Variants in HEPH observed in about 807,000 individuals in gnomAD.
The protein encoded by HEPH is hephaestin.
Under a neutral mutation model 80.8 loss-of-function variants are expected in HEPH, and 69 were observed. The ratio of observed to expected loss-of-function variants is 0.85; its 90% CI spans 0.70 to 1.04. HEPH has a LOEUF of 1.04. HEPH is among the 50% of genes least tolerant of loss of function. The pLI is 0.00. For missense variants in HEPH, 1,115 were observed against 891.3 expected, an observed-to-expected ratio of 1.25 and a Z score of -3.20; for synonymous variants, 431 against 322.8, an observed-to-expected ratio of 1.34 and a Z score of -3.60.
chrX:66,253,064 A>C (rs1423802072), intron 15 of HEPH, among the ~76,000 whole-genome samples: 1 of 112,471 alleles, frequency 8.9e-6, no homozygotes. Context: ...CTTATATACA[A>C]CACTAAAAGC....
In HEPH at chrX:66,207,350, T is replaced by A; in HGVS notation, c.2431+16T>A. Reference sequence around the variant, plus strand: ...GGAATCTTGGGTAAGGGAATTCTACTTCCCTCCTAGTGTTTAGCAGCCTGA... The same window carrying A: ...GGAATCTTGGGTAAGGGAATTCTACATCCCTCCTAGTGTTTAGCAGCCTGA... On this transcript the variant is annotated intron_variant, in intron 14 of 20. Coordinates refer to ENST00000343002, the MANE Select transcript of HEPH (RefSeq NM_001367233.3). 1 of 1,153,019 alleles carries A rather than the reference T, an allele frequency of 8.7e-7. No homozygotes were observed. The highest frequency in any genetic ancestry group is 1.2e-6 in the Non-Finnish European group (1 of 860,733).
intron 15 of HEPH, among the ~76,000 whole-genome samples, chrX:66,246,239 G>T (rs773418718): frequency 8.9e-6 from 1 of 112,160 alleles, no homozygotes; most frequent in East Asian, 2.8e-4. Context: ...AGACTGTTGG[G>T]TTAGAAAATC....
chrX:66,187,834 C>A (rs1028812802), intron 4 of HEPH, among the ~76,000 whole-genome samples: 8 of 111,960 alleles, frequency 7.1e-5, no homozygotes, highest in African/African-American at 2.3e-4. Flanking sequence ...ATCCTACGAA[C>A]CTTTTTTAAA....
intron 5 of HEPH, 148 bp from the exon 6 acceptor site, chrX:66,189,536 G>A: frequency 1.8e-6 from 1 of 567,332 alleles, no homozygotes; most frequent in Non-Finnish European, 2.7e-6. Context: ...GGATGTTTTT[G>A]AGATTTAAAG....
Position 66,177,744 on chromosome X carries a change from C to T in HEPH, c.625+3943C>T, listed in dbSNP as rs181999209. Among the ~76,000 whole-genome samples, 7 of 109,561 alleles carry T rather than the reference C, an allele frequency of 6.4e-5. No homozygotes were observed. In the East Asian group the frequency reaches 2.0e-3, roughly 31 times the overall value. The stretch of plus-strand genomic sequence containing the variant: ...GTTTTTCTCTTGATATTGGTTATTT[C>T]CTTTCATCTCTAGGGTTTGGGTTTG... On this transcript the variant is annotated intron_variant, in intron 4 of 20. Coordinates refer to ENST00000343002, the MANE Select transcript of HEPH (RefSeq NM_001367233.3).
chrX:66,229,537 G>C (rs1163917009), intron 15 of HEPH, among the ~76,000 whole-genome samples: 5 of 111,384 alleles, frequency 4.5e-5, no homozygotes, highest in Non-Finnish European at 9.4e-5. Flanking sequence ...AAAAGTATCA[G>C]AAATCACCAC....
chrX:66,218,301 C>G, intron 15 of HEPH, among the ~76,000 whole-genome samples: 1 of 111,725 alleles, frequency 9.0e-6, no homozygotes, highest in Non-Finnish European at 1.9e-5. Flanking sequence ...ATAGACAAAA[C>G]AAGTCTCAAC....
rs771885925 is a variant in HEPH, at chrX:66,202,909, G to A, written c.2078-455G>A. ...TAGCAATTGCCACAAGGTTTTATGT[G>A]TGCATATATATATATATATATATAT... On this transcript the variant is annotated intron_variant, in intron 12 of 20. Transcript: ENST00000343002. Among the ~76,000 whole-genome samples, 661 of 88,329 alleles carry A rather than the reference G, an allele frequency of 7.5e-3. 11 individuals carry two copies. The highest frequency in any genetic ancestry group is 0.033 in the African/African-American group (614 of 18,794). The allele number at this position is 88,329 out of a possible 115,157, so 76.7% of individuals were successfully genotyped here. A position where few individuals can be genotyped will look rare whatever the true frequency, so the allele number is the denominator to read the frequency against.
intron 11 of HEPH, among the ~76,000 whole-genome samples, chrX:66,199,776 C>T (rs186261704): frequency 3.1e-4 from 35 of 111,765 alleles, no homozygotes; most frequent in South Asian, 1.9e-3. Context: ...AACGAAGATA[C>T]GACAGGTAAG....
intron 15 of HEPH, among the ~76,000 whole-genome samples, chrX:66,245,392 C>A (rs2090764561): frequency 8.9e-6 from 1 of 111,835 alleles, no homozygotes; most frequent in African/African-American, 3.2e-5. Context: ...AAGGCCATTA[C>A]ATAATGGTAA....
chrX:66,169,498 G>T (rs1451369808), intron 1 of HEPH, among the ~76,000 whole-genome samples: 1 of 111,531 alleles, frequency 9.0e-6, no homozygotes, highest in Non-Finnish European at 1.9e-5. Context: ...CCTGTCTTAT[G>T]CATTGAAGTG....
intron 15 of HEPH, among the ~76,000 whole-genome samples, chrX:66,253,922 C>T (rs954653477): frequency 1.8e-5 from 2 of 110,950 alleles, no homozygotes; most frequent in African/African-American, 6.6e-5. Context: ...ATATTGATTA[C>T]CTTGGGTGGG....
At chrX:66,228,462 A>T (rs184154681) in intron 15 of HEPH, among the ~76,000 whole-genome samples, 1 of 113,229 alleles carries the variant, frequency 8.8e-6, no homozygotes, top group Non-Finnish European at 1.9e-5. Context: ...CCTTCTAGAC[A>T]TTGGCTTGTG....
rs984889537 is a variant in HEPH at position 66,226,852 on chromosome X, C to T, written c.2563+18606C>T. ...GGGTACACAGCTGAATTCTATCAGACATGCAAAGAAGATTTGGTACCCATG... is the reference window on the plus strand; with the variant it reads ...GGGTACACAGCTGAATTCTATCAGATATGCAAAGAAGATTTGGTACCCATG... On this transcript the variant is annotated intron_variant, in intron 15 of 20. Transcript: ENST00000343002. Among the ~76,000 whole-genome samples, 4 of 111,440 alleles carry T rather than the reference C, an allele frequency of 3.6e-5. No individual in the cohort carries two copies. In the East Asian group the frequency reaches 1.1e-3, roughly 31 times the overall value.
intron 6 of HEPH, among the ~76,000 whole-genome samples, chrX:66,190,330 C>T (rs964453129): frequency 9.0e-5 from 10 of 111,114 alleles, no homozygotes; most frequent in Non-Finnish European, 1.9e-4. Flanking sequence ...TGTAGGAGAT[C>T]ATGGTGTATT....
At chrX:66,223,731 A>T (rs1202117794) in intron 15 of HEPH, among the ~76,000 whole-genome samples, 4 of 111,134 alleles carry the variant, frequency 3.6e-5, no homozygotes, top group Non-Finnish European at 7.6e-5. Context: ...CTTCAAAACA[A>T]TTTTTTTTAA....
At chrX:66,206,867 A>C (rs1463106473) in intron 13 of HEPH, among the ~76,000 whole-genome samples, 2 of 109,443 alleles carry the variant, frequency 1.8e-5, no homozygotes, top group Non-Finnish European at 3.8e-5. Flanking sequence ...AAATACAAAA[A>C]GTAGCCGGGC....
chrX:66,203,311 G>A, intron 12 of HEPH, 53 bp from the exon 13 acceptor site: 1 of 1,077,298 alleles, frequency 9.3e-7, no homozygotes, highest in Middle Eastern at 3.6e-4. Flanking sequence ...AAATCCCCCA[G>A]GCACTACCCA....
At chrX:66,191,541 T>C (rs1220578134) in intron 6 of HEPH, among the ~76,000 whole-genome samples, 2 of 112,222 alleles carry the variant, frequency 1.8e-5, no homozygotes, top group Admixed American at 1.9e-4. Flanking sequence ...TCCATTGCCA[T>C]TGTGACGCAA....
Sources: allele counts gnomAD v4.1 joint callset (sites outside exome capture counted in the v4.1 genomes callset), GRCh38; gene constraint gnomAD v4.1.1; transcripts MANE v1.5; gene names NCBI Gene and HGNC (gene_info 2026-07-23, HGNC 2026-07-21).